PLXNA2: variants seen among roughly 807,000 people sequenced by gnomAD.
PLXNA2 encodes plexin-A2.
PLXNA2 carries 91 observed loss-of-function variants against 193.5 expected under a neutral mutation model. The observed-to-expected ratio is 0.47, with a 90% CI of 0.40 to 0.56. The LOEUF (loss-of-function observed/expected upper bound fraction) is 0.56. PLXNA2 is among the 20% of genes least tolerant of loss of function. The pLI is 0.00. For synonymous variants in PLXNA2, 997 were observed against 1,027.3 expected, an observed-to-expected ratio of 0.97 and a Z score of 0.56; for missense variants, 1,995 against 2,503.2, an observed-to-expected ratio of 0.80 and a Z score of 4.33.
chr1:208,103,182 C>T lies in PLXNA2; in HGVS notation c.1572G>A (p.Gly524=), dbSNP rs774755504. Residue 524 remains glycine (G), a synonymous_variant, in exon 5 of 32, where the codon GGG becomes GGA. Transcript: ENST00000367033. The part of the protein sequence containing the change: ...YTTCGECLSS[G]DPHCGWCALH... ...GGGCACACCAGCCACAGTGAGGGTC[C>T]CCAGAGCTCAGGCACTCCCCACAAG... The T allele has an allele frequency of 1.9e-6, 3 of 1,614,142 alleles. No homozygotes were observed. The highest frequency in any genetic ancestry group is 3.3e-5 in the Admixed American group (2 of 60,024).
chr1:208,185,641 A>G (rs1264753369), intron 3 of PLXNA2, among the ~76,000 whole-genome samples: 3 of 140,956 alleles, frequency 2.1e-5, no homozygotes, highest in Non-Finnish European at 4.5e-5. Flanking sequence ...CACAAAACAC[A>G]ACTCGATTTC....
intron 2 of PLXNA2, among the ~76,000 whole-genome samples, chr1:208,213,629 T>C (rs1024582327): frequency 1.4e-4 from 21 of 152,216 alleles, no homozygotes; most frequent in Non-Finnish European, 2.5e-4. Context: ...TGATCTGAGA[T>C]TTCCATGTTA....
In PLXNA2 at chr1:208,099,076, T is replaced by C. The variant is rs919559932; in HGVS notation, c.1608-107A>G. Reference sequence around the variant, plus strand: ...GTTTGCTGCCCTGAGGCCTGTGTCCTGTCTTCTCAAGAAGACTTTTACTGT... The same window carrying C: ...GTTTGCTGCCCTGAGGCCTGTGTCCCGTCTTCTCAAGAAGACTTTTACTGT... On this transcript the variant is annotated intron_variant, in intron 5 of 31. Transcript: ENST00000367033. 3.7e-5 allele frequency: 52 copies of C among 1,391,014 alleles called. 1 individual carries two copies. Among genetic ancestry groups the C allele is most frequent in the East Asian group, 3.6e-4 (15 of 41,598 alleles). 86.2% of individuals were successfully genotyped at this position (1,391,014 alleles called of 1,614,324 possible). A position where few individuals can be genotyped will look rare whatever the true frequency, so the allele number is the denominator to read the frequency against.
Position 208,217,925 on chromosome 1 carries a change from T to A in PLXNA2, c.-3A>T, listed in dbSNP as rs1447547714. 6 of 1,607,942 alleles carry A rather than the reference T, an allele frequency of 3.7e-6. No individual in the cohort carries two copies. Among genetic ancestry groups the A allele is most frequent in the Non-Finnish European group, 5.1e-6 (6 of 1,179,874 alleles). Reference sequence around the variant, plus strand: ...GGCCAGGGCCGCCTCTGTTCCATGCTGAGAGGGGCGGCGGTGAGGAGACGG... The same window carrying A: ...GGCCAGGGCCGCCTCTGTTCCATGCAGAGAGGGGCGGCGGTGAGGAGACGG... On this transcript the variant is annotated 5_prime_UTR_variant, in exon 2 of 32. Transcript: ENST00000367033. This position sits in a 1 kb window ranked among gnomAD's most constrained non-coding sequence, Gnocchi z 4.7.
intron 3 of PLXNA2, among the ~76,000 whole-genome samples, chr1:208,154,875 C>T (rs534671615): frequency 3.2e-4 from 48 of 152,256 alleles, no homozygotes; most frequent in African/African-American, 9.2e-4. Context: ...GACAAGGCAG[C>T]GGCGGGAACA....
intron 3 of PLXNA2, among the ~76,000 whole-genome samples, chr1:208,157,795 G>A (rs1301627198): frequency 6.6e-6 from 1 of 152,212 alleles, no homozygotes; most frequent in African/African-American, 2.4e-5. Context: ...ATAAAGCTCT[G>A]TAATTATTTG....
At chr1:208,159,743 C>T (rs1292465406) in intron 3 of PLXNA2, among the ~76,000 whole-genome samples, 2 of 152,216 alleles carry the variant, frequency 1.3e-5, no homozygotes, top group African/African-American at 2.4e-5. Flanking sequence ...TGCTGCTTCG[C>T]CATCTCTGTA....
At position 208,160,955 on chromosome 1, in the gene PLXNA2, T is replaced by G. The variant is rs139498537; in HGVS notation, c.1372-18492A>C. Among the ~76,000 whole-genome samples, 355 of 152,342 alleles carry G rather than the reference T, an allele frequency of 2.3e-3. 2 individuals are homozygous for G. Among genetic ancestry groups the G allele is most frequent in the African/African-American group, 8.0e-3 (331 of 41,582 alleles). On this transcript the variant is annotated intron_variant, in intron 3 of 31. Coordinates refer to ENST00000367033, the MANE Select transcript of PLXNA2 (RefSeq NM_025179.4). ...TGGCATGAGGGAATCACATCAGGAT[T>G]TCCTGCCTCAGTTTCCCCTTTGTTA...
intron 3 of PLXNA2, among the ~76,000 whole-genome samples, chr1:208,158,197 ATGG>A (rs1668996183): frequency 6.6e-6 from 1 of 152,144 alleles, no homozygotes; most frequent in Non-Finnish European, 1.5e-5. Context: ...GGGGAGAGAA[ATGG>A]TGGTCTCTAA....
chr1:208,058,202 G>A (rs1181592925), intron 13 of PLXNA2, among the ~76,000 whole-genome samples: 1 of 152,180 alleles, frequency 6.6e-6, no homozygotes, highest in African/African-American at 2.4e-5. Flanking sequence ...AGGATCTAAG[G>A]GGAATCTGCT....
intron 9 of PLXNA2, among the ~76,000 whole-genome samples, chr1:208,084,989 C>G (rs1666466359): frequency 6.6e-6 from 1 of 152,154 alleles, no homozygotes; most frequent in Non-Finnish European, 1.5e-5. Flanking sequence ...CCTGGGGCAT[C>G]CGTTATCAGC....
At chr1:208,212,301 C>T (rs2102603395) in intron 2 of PLXNA2, among the ~76,000 whole-genome samples, 1 of 152,242 alleles carries the variant, frequency 6.6e-6, no homozygotes, top group Admixed American at 6.5e-5. Context: ...ACTTCCGTTC[C>T]TTTCTCTTCT....
chr1:208,027,863 T>C (rs1664386754), intron 31 of PLXNA2, 146 bp downstream of exon 31: 4 of 615,584 alleles, frequency 6.5e-6, no homozygotes, highest in Non-Finnish European at 1.1e-5. Flanking sequence ...AGGAGTTGAG[T>C]TGCCTCATAA....
chr1:208,123,410 G>A (rs1052288259), intron 4 of PLXNA2, among the ~76,000 whole-genome samples: 1 of 152,130 alleles, frequency 6.6e-6, no homozygotes, highest in African/African-American at 2.4e-5. Flanking sequence ...CAGGCAGCTG[G>A]ATTCTTTCAT....
chr1:208,043,248 C>T lies in PLXNA2; in HGVS notation c.3875-45G>A, dbSNP rs369032449. Reference sequence around the variant, plus strand: ...GAGAGGCTCGTGGGGAAGCCCCAGTCGGGGGAGGAGAAAGAGGGAGAAGAA... The same window carrying T: ...GAGAGGCTCGTGGGGAAGCCCCAGTTGGGGGAGGAGAAAGAGGGAGAAGAA... On this transcript the variant is annotated intron_variant, in intron 20 of 31. Coordinates refer to ENST00000367033, the MANE Select transcript of PLXNA2 (RefSeq NM_025179.4). 369 of 1,596,510 alleles carry T rather than the reference C, an allele frequency of 2.3e-4. 3 individuals carry two copies. The highest frequency in any genetic ancestry group is 1.5e-4 in the African/African-American group (11 of 74,542).
Position 208,039,761 on chromosome 1 carries a change from C to T in PLXNA2, c.4360G>A (p.Ala1454Thr), listed in dbSNP as rs767473837. ...FLLHKFLKEC[A>T]GEPLFMLYCA... Reference sequence around the variant, plus strand: ...TATAGCATGAAGAGTGGCTCCCCTGCGCACTCCTGTGGGCACAGACAGGGC... The same window carrying T: ...TATAGCATGAAGAGTGGCTCCCCTGTGCACTCCTGTGGGCACAGACAGGGC... The change falls in exon 24 of 32, where the codon GCA (alanine) becomes ACA (threonine). Residue 1454 changes from alanine (A) to threonine (T), a missense_variant. This residue lies in a region of PLXNA2 where 1,291 missense variants were observed against 1,673.6 expected (regional missense o/e 0.77). Coordinates refer to ENST00000367033, the MANE Select transcript of PLXNA2 (RefSeq NM_025179.4). The T allele has an allele frequency of 1.7e-5, 27 of 1,613,966 alleles. No individual in the cohort carries two copies. The highest frequency in any genetic ancestry group is 1.7e-4 in the Admixed American group (10 of 60,002).
At chr1:208,047,860 C>T (rs930320006) in intron 17 of PLXNA2, among the ~76,000 whole-genome samples, 3 of 152,246 alleles carry the variant, frequency 2.0e-5, no homozygotes, top group South Asian at 2.1e-4. Context: ...CGGCTCACTG[C>T]GGCCTTTATG....
chr1:208,051,717 T>C (rs1665269629), intron 15 of PLXNA2, among the ~76,000 whole-genome samples: 2 of 152,114 alleles, frequency 1.3e-5, no homozygotes, highest in South Asian at 4.1e-4. Context: ...AACTATTTAG[T>C]CAGTGCTTAG....
chr1:208,209,288 C>T (rs1280750246), intron 3 of PLXNA2, among the ~76,000 whole-genome samples: 2 of 152,260 alleles, frequency 1.3e-5, no homozygotes, highest in East Asian at 3.9e-4. Flanking sequence ...GGGCTCACTC[C>T]AGGTTACCCT....
Sources: allele counts gnomAD v4.1 joint callset (sites outside exome capture counted in the v4.1 genomes callset), GRCh38; gene constraint gnomAD v4.1.1; regional missense constraint gnomAD v4.1.1; non-coding constraint Gnocchi (gnomAD v3.1); transcripts MANE v1.5; gene names NCBI Gene and HGNC (gene_info 2026-07-23, HGNC 2026-07-21).